The following ENTPD1 variants were observed in gnomAD, a reference collection of about 807,000 sequenced individuals.
ENTPD1 encodes ATP diphosphohydrolase.
In ENTPD1, 33 loss-of-function variants were observed where a neutral mutation model predicts 57.0. The observed-to-expected ratio is 0.58, with a 90% confidence interval of 0.44 to 0.77. The LOEUF (loss-of-function observed/expected upper bound fraction) is 0.77. ENTPD1 is among the 30% of genes least tolerant of loss of function. The pLI, the probability that ENTPD1 is intolerant of heterozygous loss-of-function variation, is 0.00. For synonymous variants in ENTPD1, 202 were observed against 218.8 expected (o/e 0.92, Z 0.68); for missense variants, 501 against 603.4 (o/e 0.83, Z 1.78).
Position 95,869,784 on chromosome 10 carries a change from C to G in ENTPD1, c.*3401C>G. On this transcript the variant is annotated 3_prime_UTR_variant, in exon 10 of 10. Transcript: ENST00000371205. ...GTAACACAGGAGAGTTTTCAGAAAG[C>G]AACTAAATCCAAAATACTATCAAGG... 10 of 743,646 alleles carry G rather than the reference C, an allele frequency of 1.3e-5. No individual in the cohort carries two copies. The highest frequency in any genetic ancestry group is 1.6e-5 in the Non-Finnish European group (10 of 609,674). The allele number at this position is 743,646 out of a possible 1,614,324, so 46.1% of individuals were successfully genotyped here.
chr10:95,791,077 A>G lies in ENTPD1; in HGVS notation c.17-32160A>G, dbSNP rs143750830. 3.7e-3 allele frequency among the ~76,000 whole-genome samples: 559 copies of G among 152,342 alleles called. 8 individuals are homozygous for G. Among genetic ancestry groups the G allele is most frequent in the South Asian group, 0.011 (51 of 4,828 alleles). On this transcript the variant is annotated intron_variant, in intron 1 of 9. Coordinates refer to ENST00000371205, the MANE Select transcript of ENTPD1 (RefSeq NM_001776.6). The surrounding 1 kb of genome is among the most constrained non-coding windows in gnomAD (Gnocchi z 4.1). ...GAAACCATAGGTTGACATTTAATTGATACACACAAGGTGAGATTCCTGACT... is the reference window on the plus strand; with the variant it reads ...GAAACCATAGGTTGACATTTAATTGGTACACACAAGGTGAGATTCCTGACT...
intron 1 of ENTPD1, among the ~76,000 whole-genome samples, chr10:95,813,840 TACAAG>T (rs2140468708): frequency 1.3e-5 from 2 of 152,304 alleles, no homozygotes; most frequent in South Asian, 4.1e-4. Context: ...AGGCAAGGTA[TACAAG>T]ACAAGACTAT....
At chr10:95,803,464 A>T (rs899131894) in intron 1 of ENTPD1, among the ~76,000 whole-genome samples, 1 of 152,192 alleles carries the variant, frequency 6.6e-6, no homozygotes, top group African/African-American at 2.4e-5. Context: ...ACCAGTGATG[A>T]TGAGCATTTT....
chr10:95,812,628 GGTGA>G (rs1416900918), intron 1 of ENTPD1, among the ~76,000 whole-genome samples: 1 of 152,144 alleles, frequency 6.6e-6, no homozygotes, highest in Non-Finnish European at 1.5e-5. Context: ...TCAATTTTAT[GGTGA>G]GTTTTTATTT....
chr10:95,861,499 C>T (rs1254812153), intron 8 of ENTPD1: 1 of 152,188 alleles, frequency 6.6e-6, no homozygotes, highest in African/African-American at 2.4e-5. Flanking sequence ...CCTGACTGCA[C>T]TGACAAGGGG....
intron 1 of ENTPD1, among the ~76,000 whole-genome samples, chr10:95,770,248 A>AGTGTGTGT (rs113588288): frequency 1.1e-5 from 1 of 89,376 alleles, no homozygotes; most frequent in African/African-American, 4.1e-5. Context: ...AGAGAGAGTG[A>AGTGTGTGT]GTGAGTGAGT....
At chr10:95,711,795 A>G (rs1015091197) in exon 1 of ENTPD1, 8 of 949,242 alleles carry the variant, frequency 8.4e-6, no homozygotes, top group South Asian at 1.4e-5. Context: ...GTGTAAAATT[A>G]TGATCAAATA....
At chr10:95,805,456 T>C (rs1046196615) in intron 1 of ENTPD1, among the ~76,000 whole-genome samples, 2 of 152,264 alleles carry the variant, frequency 1.3e-5, no homozygotes, top group East Asian at 3.8e-4. Context: ...TTTGCCAGTC[T>C]ATGTCTTTTA....
rs372290136 is a variant in ENTPD1, at chr10:95,845,453, G to A, written c.670G>A (p.Val224Ile). ...LGGASTQVTF[V>I]PQNQTIESPD... ...GGGAGCCTCTACACAAGTCACTTTTGTACCCCAAAACCAGACTATCGAGTC... is the reference window on the plus strand; with the variant it reads ...GGGAGCCTCTACACAAGTCACTTTTATACCCCAAAACCAGACTATCGAGTC... Residue 224 changes from valine (V) to isoleucine (I), a missense_variant, in exon 6 of 10, where the codon GTA becomes ATA. Transcript: ENST00000371205. 3.1e-6 allele frequency: 5 copies of A among 1,614,176 alleles called. No individual in the cohort carries two copies. The highest frequency in any genetic ancestry group is 4.2e-6 in the Non-Finnish European group (5 of 1,180,034).
intron 1 of ENTPD1, among the ~76,000 whole-genome samples, chr10:95,723,204 A>G (rs544465696): frequency 2.0e-5 from 3 of 152,174 alleles, no homozygotes; most frequent in Admixed American, 6.5e-5. Context: ...TAGGTTTTAA[A>G]TTTACCCTGG....
Position 95,874,246 on chromosome 10 carries a change from G to C in ENTPD1, c.*7863G>C, listed in dbSNP as rs893605910. Among the ~76,000 whole-genome samples, 2 of 152,162 alleles carry C rather than the reference G, an allele frequency of 1.3e-5. No individual in the cohort carries two copies. The highest frequency in any genetic ancestry group is 2.9e-5 in the Non-Finnish European group (2 of 68,034). On this transcript the variant is annotated 3_prime_UTR_variant, in exon 10 of 10. Coordinates refer to ENST00000371205, the MANE Select transcript of ENTPD1 (RefSeq NM_001776.6). ...AGCTAGTTACCTCCTAGATACAATG[G>C]GGGGTACAGGTATTGGGTAAATACA...
upstream of ENTPD1, among the ~76,000 whole-genome samples, chr10:95,751,236 G>T (rs370406626): frequency 3.9e-5 from 6 of 152,258 alleles, no homozygotes; most frequent in African/African-American, 1.4e-4. Context: ...ATCAGATATC[G>T]ATTTCAGAAA....
chr10:95,703,428 A>G, the ENTPD1 span, among the ~76,000 whole-genome samples: 1 of 152,266 alleles, frequency 6.6e-6, no homozygotes, highest in Non-Finnish European at 1.5e-5. Flanking sequence ...TTAGATGATA[A>G]AATGTACAAT....
intron 1 of ENTPD1, among the ~76,000 whole-genome samples, chr10:95,762,549 C>T (rs1268224891): frequency 6.6e-6 from 1 of 152,098 alleles, no homozygotes; most frequent in African/African-American, 2.4e-5. Context: ...ATGTATTTTC[C>T]ATTTTATAGC....
At chr10:95,814,040 G>A (rs2098320329) in intron 1 of ENTPD1, among the ~76,000 whole-genome samples, 2 of 152,232 alleles carry the variant, frequency 1.3e-5, no homozygotes, top group Admixed American at 1.3e-4. Context: ...AATTTCAGAT[G>A]TGGAAGAAGA....
chr10:95,771,508 C>G (rs558525860), intron 1 of ENTPD1, among the ~76,000 whole-genome samples: 2 of 152,240 alleles, frequency 1.3e-5, no homozygotes, highest in African/African-American at 4.8e-5. Flanking sequence ...CTGAGTGTGC[C>G]CAGTTCCCTT....
Position 95,756,270 on chromosome 10 carries a change from G to A in ENTPD1, c.16+15G>A. On this transcript the variant is annotated intron_variant, in intron 1 of 9. Transcript: ENST00000371205. The stretch of plus-strand genomic sequence containing the variant: ...AGATACAAAGGGTAAGACCAAAATT[G>A]ATTTGATCTGAATCCTTAAGAAAAA... 1 of 1,583,172 alleles carries A rather than the reference G, an allele frequency of 6.3e-7. No homozygotes were observed. The highest frequency in any genetic ancestry group is 2.3e-5 in the East Asian group (1 of 43,304).
intron 1 of ENTPD1, among the ~76,000 whole-genome samples, chr10:95,716,822 G>A (rs10882657): frequency 0.5 from 75,735 of 152,032 alleles, 19,353 homozygotes; most frequent in East Asian, 0.74. Flanking sequence ...AAAATGAACT[G>A]AAACATGCAT....
Position 95,875,881 on chromosome 10 carries a change from C to A in ENTPD1, c.*9498C>A. ...ATGGGAAAGACCAGCCCCCTTGATT[C>A]AATTACCTCCCCCTGGGTCCTGTGG... On this transcript the variant is annotated 3_prime_UTR_variant, in exon 10 of 10. Coordinates refer to ENST00000371205, the MANE Select transcript of ENTPD1 (RefSeq NM_001776.6). The A allele has an allele frequency of 1.6e-5, 11 of 677,696 alleles. No individual in the cohort carries two copies. The highest frequency in any genetic ancestry group is 2.0e-5 in the Non-Finnish European group (11 of 549,070). The allele number at this position is 677,696 out of a possible 1,614,324, so 42.0% of individuals were successfully genotyped here.
Sources: gnomAD v4.1 joint callset for allele counts (sites outside exome capture counted in the v4.1 genomes callset) on GRCh38, gnomAD v4.1.1 for gene constraint, Gnocchi (gnomAD v3.1) non-coding constraint, MANE v1.5 for transcripts, NCBI Gene and HGNC (gene_info 2026-07-23, HGNC 2026-07-21) for gene names.